Variants in RPS6KA3 observed in about 807,000 individuals in gnomAD.
The protein encoded by RPS6KA3 is ribosomal protein S6 kinase A3.
In RPS6KA3, 4 loss-of-function variants were observed where a neutral mutation model predicts 67.2. The observed-to-expected ratio is 0.06, with a 90% CI of 0.03 to 0.14. The LOEUF (loss-of-function observed/expected upper bound fraction) is 0.14. Among genes scored for constraint, RPS6KA3 ranks in the 10% least tolerant of loss-of-function variants. The pLI is 1.00. For synonymous variants in RPS6KA3, 182 were observed against 183.7 expected, an observed-to-expected ratio of 0.99 and a Z score of 0.07; for missense variants, 204 against 559.0, an observed-to-expected ratio of 0.36 and a Z score of 6.40.
chrX:20,235,083 T>C (rs748359155), intron 1 of RPS6KA3, among the ~76,000 whole-genome samples: 4 of 111,773 alleles, frequency 3.6e-5, no homozygotes, highest in Admixed American at 9.5e-5. Flanking sequence ...TTGAGTTTAA[T>C]AGTTAAATGC....
At chrX:20,230,879 C>T (rs2069245143) in intron 2 of RPS6KA3, among the ~76,000 whole-genome samples, 1 of 111,885 alleles carries the variant, frequency 8.9e-6, no homozygotes, top group Admixed American at 9.5e-5. Context: ...AAAAATCCCA[C>T]TTATGACATA....
intron 13 of RPS6KA3, 73 bp from the exon 14 acceptor site, chrX:20,175,361 C>T (rs2067673603): frequency 8.6e-6 from 9 of 1,046,900 alleles, no homozygotes; most frequent in South Asian, 3.8e-5. Flanking sequence ...GACACTATGA[C>T]CTTTTTCACT....
chrX:20,177,450 T>C (rs1194850313), intron 10 of RPS6KA3, among the ~76,000 whole-genome samples: 1 of 112,847 alleles, frequency 8.9e-6, no homozygotes, highest in African/African-American at 3.2e-5. Context: ...GACATTTGGG[T>C]TGTGCCCAGT....
chrX:20,174,568 C>T (rs1204927308), intron 14 of RPS6KA3, among the ~76,000 whole-genome samples: 2 of 107,206 alleles, frequency 1.9e-5, no homozygotes, highest in African/African-American at 3.4e-5. Context: ...AGGCTGGTCT[C>T]GAACTCCTGA....
intron 2 of RPS6KA3, among the ~76,000 whole-genome samples, chrX:20,215,689 T>C (rs1253722703): frequency 8.9e-6 from 1 of 111,887 alleles, no homozygotes; most frequent in Non-Finnish European, 1.9e-5. Context: ...CAGGACATAA[T>C]ACTAATGCTT....
chrX:20,237,816 A>G (rs747957663), intron 1 of RPS6KA3, among the ~76,000 whole-genome samples: 4 of 111,521 alleles, frequency 3.6e-5, no homozygotes, highest in South Asian at 3.7e-4. Flanking sequence ...TTCTGTTCCT[A>G]CTACACATAA....
At chrX:20,159,488 T>G (rs1478616030) in intron 20 of RPS6KA3, among the ~76,000 whole-genome samples, 1 of 112,310 alleles carries the variant, frequency 8.9e-6, no homozygotes, top group Non-Finnish European at 1.9e-5. Flanking sequence ...ATATCATGCT[T>G]GTAATCACAA....
At chrX:20,265,114 T>C (rs1457625125) in intron 1 of RPS6KA3, among the ~76,000 whole-genome samples, 1 of 111,968 alleles carries the variant, frequency 8.9e-6, no homozygotes, top group Non-Finnish European at 1.9e-5. Flanking sequence ...GTCTTTTCCA[T>C]TGAAGAGCAG....
chrX:20,175,993 C>A (rs1410840923), intron 13 of RPS6KA3, among the ~76,000 whole-genome samples: 1 of 111,290 alleles, frequency 9.0e-6, no homozygotes, highest in Non-Finnish European at 1.9e-5. Flanking sequence ...GCCTCAGCCA[C>A]CCAAGTAGCT....
intron 20 of RPS6KA3, 137 bp from the exon 21 acceptor site, chrX:20,156,386 ATTTGGGGG>A: frequency 6.1e-6 from 4 of 652,176 alleles, no homozygotes; most frequent in Admixed American, 2.5e-5. Flanking sequence ...CAACATGGTA[ATTTGGGGG>A]AAAAAAAATC....
chrX:20,150,712 TAGAG>T lies in RPS6KA3; in HGVS notation c.*4682_*4685del, dbSNP rs1344250610. On this transcript the variant is annotated 3_prime_UTR_variant, in exon 22 of 22. Coordinates refer to ENST00000379565, the MANE Select transcript of RPS6KA3 (RefSeq NM_004586.3). ...CCATTAGACAATGAACTAATCTACT[TAGAG>T]AGGACTATTATAGCGACTCTCTTCT... 4.4e-5 allele frequency: 5 copies of T among 112,478 alleles called. No homozygotes were observed. Among genetic ancestry groups the T allele is most frequent in the Non-Finnish European group, 7.5e-5 (4 of 53,213 alleles). 9.3% of individuals were successfully genotyped at this position (112,478 alleles called of 1,213,427 possible). A position where few individuals can be genotyped will look rare whatever the true frequency, so the allele number is the denominator to read the frequency against.
At chrX:20,206,655 T>C (rs932847842) in intron 3 of RPS6KA3, among the ~76,000 whole-genome samples, 3 of 111,764 alleles carry the variant, frequency 2.7e-5, no homozygotes, top group African/African-American at 9.8e-5. Flanking sequence ...ATTAAACAAA[T>C]GAAAAACTGC....
At chrX:20,255,507 C>T (rs770363214) in intron 1 of RPS6KA3, among the ~76,000 whole-genome samples, 1 of 111,954 alleles carries the variant, frequency 8.9e-6, no homozygotes, top group Non-Finnish European at 1.9e-5. Flanking sequence ...AGGAATTAGG[C>T]TGGGTAAGGT....
intron 1 of RPS6KA3, among the ~76,000 whole-genome samples, chrX:20,255,338 G>A (rs1481147890): frequency 2.9e-5 from 3 of 104,959 alleles, no homozygotes; most frequent in African/African-American, 1.1e-4. Context: ...GAGGAAATGG[G>A]GAGTGACCGC....
intron 2 of RPS6KA3, among the ~76,000 whole-genome samples, chrX:20,217,964 T>C (rs1044894848): frequency 1.8e-5 from 2 of 112,189 alleles, no homozygotes; most frequent in Non-Finnish European, 3.8e-5. Context: ...ACATTTTTCA[T>C]TTAACCAAAT....
chrX:20,238,280 A>G (rs1315341461), intron 1 of RPS6KA3, among the ~76,000 whole-genome samples: 1 of 111,323 alleles, frequency 9.0e-6, no homozygotes, highest in East Asian at 2.8e-4. Context: ...TAGAAAATAA[A>G]CTTATGTTAA....
intron 1 of RPS6KA3, among the ~76,000 whole-genome samples, chrX:20,259,015 C>T (rs928428749): frequency 9.0e-6 from 1 of 111,463 alleles, no homozygotes. Context: ...GCAATTGAGC[C>T]ATTCTGTTAT....
intron 3 of RPS6KA3, among the ~76,000 whole-genome samples, chrX:20,208,121 C>T (rs1250462696): frequency 1.8e-5 from 2 of 110,465 alleles, no homozygotes; most frequent in Non-Finnish European, 3.8e-5. Context: ...TGAAACTGTT[C>T]CACCTCAGAT....
At chrX:20,251,906 T>C (rs1811851846) in intron 1 of RPS6KA3, among the ~76,000 whole-genome samples, 1 of 112,436 alleles carries the variant, frequency 8.9e-6, no homozygotes, top group African/African-American at 3.2e-5. Context: ...TTTCAGCCAT[T>C]ATTTCTTCAG....
Sources: allele counts gnomAD v4.1 joint callset (sites outside exome capture counted in the v4.1 genomes callset), GRCh38; gene constraint gnomAD v4.1.1; transcripts MANE v1.5; gene names NCBI Gene and HGNC (gene_info 2026-07-23, HGNC 2026-07-21).